NFIB: variants seen among roughly 807,000 people sequenced by gnomAD.
NFIB encodes nuclear factor 1 B-type.
Under a neutral mutation model 61.5 loss-of-function variants are expected in NFIB, and 11 were observed. The observed-to-expected ratio is 0.18, with a 90% confidence interval of 0.11 to 0.30. NFIB has a LOEUF of 0.30. NFIB is among the 10% of genes least tolerant of loss of function. The pLI is 1.00. For missense variants in NFIB, 471 were observed against 608.9 expected (o/e 0.77, Z 2.38); for synonymous variants, 260 against 216.5 (o/e 1.20, Z -1.76).
upstream of NFIB, among the ~76,000 whole-genome samples, chr9:14,403,171 G>T (rs564769609): frequency 6.6e-6 from 1 of 152,224 alleles, no homozygotes; most frequent in African/African-American, 2.4e-5. Flanking sequence ...GTTTATACAG[G>T]CACCTGGCTC....
the NFIB span, among the ~76,000 whole-genome samples, chr9:14,424,515 G>A: frequency 6.6e-6 from 1 of 152,078 alleles, no homozygotes; most frequent in Non-Finnish European, 1.5e-5. Context: ...CCCAGTTTAC[G>A]CGGGGCGACC....
intron 2 of NFIB, among the ~76,000 whole-genome samples, chr9:14,303,009 CA>C (rs1402022956): frequency 6.6e-6 from 1 of 152,190 alleles, no homozygotes; most frequent in Non-Finnish European, 1.5e-5. Flanking sequence ...AATTTCGTAA[CA>C]GTGTGGTGCA....
the NFIB span, among the ~76,000 whole-genome samples, chr9:14,415,814 A>T: frequency 3.9e-5 from 6 of 152,188 alleles, no homozygotes; most frequent in Non-Finnish European, 8.8e-5. Context: ...AGGTAATCAA[A>T]GGAGACACCC....
intron 1 of NFIB, among the ~76,000 whole-genome samples, chr9:14,370,361 A>G (rs1300313930): frequency 6.6e-6 from 1 of 152,182 alleles, no homozygotes; most frequent in Non-Finnish European, 1.5e-5. Context: ...TGTAACCCCA[A>G]CCCCAACACA....
chr9:14,393,146 G>A (rs974287666), intron 1 of NFIB, among the ~76,000 whole-genome samples: 3 of 151,870 alleles, frequency 2.0e-5, no homozygotes, highest in Non-Finnish European at 2.9e-5. Flanking sequence ...TGTAGAGCTC[G>A]GTAATGTTCC....
In NFIB at chr9:14,132,468, A is replaced by AT. The variant is rs2040510273; in HGVS notation, c.926-6703dup. On this transcript the variant is annotated intron_variant, in intron 6 of 10. Coordinates refer to ENST00000380953, the MANE Select transcript of NFIB (RefSeq NM_001190737.2). Reference sequence around the variant, plus strand: ...CTATAATCATTGTTAAAATATCTACATATTTTCTTTATTTTTCACATTATC... The same window carrying AT: ...CTATAATCATTGTTAAAATATCTACATTATTTTCTTTATTTTTCACATTATC... Among the ~76,000 whole-genome samples the AT allele has an allele frequency of 2.6e-5, 4 of 152,094 alleles. No individual in the cohort carries two copies. In the South Asian group the frequency reaches 8.3e-4, roughly 31 times the overall value.
the NFIB span, among the ~76,000 whole-genome samples, chr9:14,494,613 T>TG: frequency 6.6e-6 from 1 of 152,192 alleles, no homozygotes; most frequent in Non-Finnish European, 1.5e-5. Context: ...TCTTACTTCT[T>TG]CTCTTATGGC....
At chr9:14,104,656 C>A (rs1042005332) in intron 10 of NFIB, among the ~76,000 whole-genome samples, 3 of 151,760 alleles carry the variant, frequency 2.0e-5, no homozygotes, top group African/African-American at 7.3e-5. Context: ...TCATGGTTCA[C>A]TGCAGCCTCA....
In NFIB at chr9:14,333,937, G is replaced by A. The variant is rs1220342548; in HGVS notation, c.109-26417C>T. 2.0e-5 allele frequency among the ~76,000 whole-genome samples: 3 copies of A among 152,242 alleles called. No individual in the cohort carries two copies. In the East Asian group the frequency reaches 5.8e-4, roughly 29 times the overall value. On this transcript the variant is annotated intron_variant, in intron 1 of 8. Coordinates refer to the NFIB transcript ENST00000380934. ...TAACAATACAAACTTGTACTGCCTG[G>A]TTTTGAACTTTACATAAGAAAAAGC...
intron 5 of NFIB, among the ~76,000 whole-genome samples, chr9:14,147,206 C>A (rs1207683579): frequency 2.0e-5 from 3 of 152,036 alleles, no homozygotes; most frequent in Non-Finnish European, 4.4e-5. Context: ...ATTGACAATG[C>A]AATCCAAAGA....
At chr9:14,488,591 T>C in the NFIB span, among the ~76,000 whole-genome samples, 2 of 152,094 alleles carry the variant, frequency 1.3e-5, no homozygotes, top group African/African-American at 2.4e-5. Flanking sequence ...CAAGAATAAC[T>C]AGTTCCCCCA....
At chr9:14,109,757 T>G (rs1358157450) in intron 10 of NFIB, among the ~76,000 whole-genome samples, 1 of 152,092 alleles carries the variant, frequency 6.6e-6, no homozygotes, top group Non-Finnish European at 1.5e-5. Context: ...AGAGGATTAT[T>G]TTTAATGGCA....
chr9:14,387,906 G>T (rs2061567683), intron 1 of NFIB, among the ~76,000 whole-genome samples: 1 of 152,144 alleles, frequency 6.6e-6, no homozygotes, highest in African/African-American at 2.4e-5. Context: ...GCTCATAGCA[G>T]GAGGTGCCCA....
intron 2 of NFIB, among the ~76,000 whole-genome samples, chr9:14,264,143 A>G (rs2057006297): frequency 6.6e-6 from 1 of 152,166 alleles, no homozygotes; most frequent in Non-Finnish European, 1.5e-5. Flanking sequence ...TTTCCTAGTG[A>G]ATATTACAGA....
chr9:14,149,763 A>G (rs2131148869), intron 5 of NFIB, among the ~76,000 whole-genome samples: 1 of 152,274 alleles, frequency 6.6e-6, no homozygotes, highest in East Asian at 1.9e-4. Context: ...CTAAGCTTAG[A>G]TGTAATATTT....
At chr9:14,295,902 AG>A (rs1588187976) in intron 2 of NFIB, among the ~76,000 whole-genome samples, 1 of 152,192 alleles carries the variant, frequency 6.6e-6, no homozygotes, top group Non-Finnish European at 1.5e-5. Context: ...AAATATACCT[AG>A]ATTGATCAAT....
In NFIB at chr9:14,313,970, A is replaced by G. The variant is rs1273915711; in HGVS notation, c.-459T>C. ...CGGGGAGGGGGGCGCGGGAGGGCGC[A>G]GGAGGGCGAGCGGGCGGGCGGGAGG... On this transcript the variant is annotated 5_prime_UTR_variant, in exon 1 of 11. Coordinates refer to ENST00000380953, the MANE Select transcript of NFIB (RefSeq NM_001190737.2). This position sits in a 1 kb window ranked among gnomAD's most constrained non-coding sequence, Gnocchi z 4.5. 5.7e-4 allele frequency: 260 copies of G among 456,166 alleles called. No homozygotes were observed. The South Asian group carries it at 8.8e-3, about 15-fold the overall frequency. The allele number at this position is 456,166 out of a possible 1,614,324, so 28.3% of individuals were successfully genotyped here.
chr9:14,419,889 C>G, the NFIB span, among the ~76,000 whole-genome samples: 8 of 152,098 alleles, frequency 5.3e-5, no homozygotes, highest in Non-Finnish European at 1.2e-4. Flanking sequence ...GTGAATAGAC[C>G]AAAAAGTATA....
At chr9:14,151,048 TTTTAG>T (rs1433501981) in intron 4 of NFIB, among the ~76,000 whole-genome samples, 7 of 152,140 alleles carry the variant, frequency 4.6e-5, no homozygotes, top group Admixed American at 2.0e-4. Flanking sequence ...ATAAATAGCC[TTTTAG>T]TTTAAACTCC....
Sources: gnomAD v4.1 joint callset for allele counts (sites outside exome capture counted in the v4.1 genomes callset) on GRCh38, gnomAD v4.1.1 for gene constraint, Gnocchi (gnomAD v3.1) non-coding constraint, MANE v1.5 for transcripts, NCBI Gene and HGNC (gene_info 2026-07-23, HGNC 2026-07-21) for gene names.